ARHGAP24: variants seen among roughly 807,000 people sequenced by gnomAD.
ARHGAP24 encodes the protein Rho GTPase activating protein 24.
A neutral mutation model predicts 76.4 loss-of-function variants in ARHGAP24; 50 were observed. That is an observed-to-expected ratio of 0.65 (90% CI 0.52 to 0.83). The LOEUF (loss-of-function observed/expected upper bound fraction) is 0.83. Among genes scored for constraint, ARHGAP24 ranks in the 40% least tolerant of loss-of-function variants. The probability of loss-of-function intolerance (pLI) is 0.00; values close to 1 mark genes in which losing one functional copy is unlikely to be tolerated. For missense variants in ARHGAP24, 930 were observed against 914.2 expected (o/e 1.02, Z -0.22); for synonymous variants, 345 against 323.3 (o/e 1.07, Z -0.72).
intron 1 of ARHGAP24, among the ~76,000 whole-genome samples, chr4:85,484,095 A>G (rs920464361): frequency 6.6e-6 from 1 of 152,232 alleles, no homozygotes; most frequent in African/African-American, 2.4e-5. Flanking sequence ...AATTTCGTGT[A>G]GGTTTTTTCC....
chr4:85,945,284 G>A (rs1201920168), intron 5 of ARHGAP24, among the ~76,000 whole-genome samples: 3 of 151,722 alleles, frequency 2.0e-5, no homozygotes, highest in African/African-American at 4.8e-5. Flanking sequence ...CTGGGATTAC[G>A]GGCATGTGCC....
intron 1 of ARHGAP24, among the ~76,000 whole-genome samples, chr4:85,476,315 A>G (rs1057095724): frequency 2.9e-4 from 44 of 152,130 alleles, no homozygotes; most frequent in Non-Finnish European, 1.2e-4. Context: ...TTCAGCATCA[A>G]CCAGTAATAG....
chr4:85,667,176 G>T (rs1722657902), intron 2 of ARHGAP24, among the ~76,000 whole-genome samples: 1 of 152,198 alleles, frequency 6.6e-6, no homozygotes, highest in African/African-American at 2.4e-5. Context: ...CAGCTGTTTT[G>T]TTTACCTAAG....
chr4:85,500,360 A>C (rs1176308199), intron 1 of ARHGAP24, among the ~76,000 whole-genome samples: 1 of 152,186 alleles, frequency 6.6e-6, no homozygotes, highest in African/African-American at 2.4e-5. Flanking sequence ...TCTACAAGGG[A>C]ATAAAAATGT....
intron 2 of ARHGAP24, among the ~76,000 whole-genome samples, chr4:85,588,580 A>C (rs1727959024): frequency 6.6e-6 from 1 of 152,222 alleles, no homozygotes; most frequent in Non-Finnish European, 1.5e-5. Flanking sequence ...TATGCACTCA[A>C]TTAATGTCTA....
intron 2 of ARHGAP24, among the ~76,000 whole-genome samples, chr4:85,700,771 T>C (rs1196184262): frequency 1.3e-5 from 2 of 152,120 alleles, no homozygotes; most frequent in Non-Finnish European, 2.9e-5. Context: ...TTATGAAGAG[T>C]TTGATGTAAA....
chr4:85,954,827 G>A (rs1170016515), intron 5 of ARHGAP24, among the ~76,000 whole-genome samples: 1 of 152,212 alleles, frequency 6.6e-6, no homozygotes, highest in Non-Finnish European at 1.5e-5. Context: ...GGCCAACATG[G>A]AGAAACCCTG....
chr4:85,827,313 C>G (rs1729762768), intron 3 of ARHGAP24, among the ~76,000 whole-genome samples: 1 of 152,050 alleles, frequency 6.6e-6, no homozygotes, highest in Admixed American at 6.6e-5. Flanking sequence ...AATCATTTTG[C>G]TCTTAGAATT....
At chr4:85,802,746 G>A (rs776378461) in intron 3 of ARHGAP24, among the ~76,000 whole-genome samples, 3 of 152,124 alleles carry the variant, frequency 2.0e-5, no homozygotes, top group African/African-American at 7.2e-5. Context: ...AGCTGAGACC[G>A]CACCATTGCA....
Position 85,626,539 on chromosome 4 carries a change from T to C in ARHGAP24, c.180+55818T>C, listed in dbSNP as rs546706865. On this transcript the variant is annotated intron_variant, in intron 2 of 9. Transcript: ENST00000395184. ...ACCTTCATTTCAACTTTGGTGAATC[T>C]GACAATTATGTGTCTTGGAGTTGCT... 8.5e-5 allele frequency among the ~76,000 whole-genome samples: 13 copies of C among 152,320 alleles called. 1 individual carries two copies. The South Asian group carries it at 1.9e-3, about 22-fold the overall frequency.
intron 8 of ARHGAP24, among the ~76,000 whole-genome samples, chr4:85,982,013 T>C (rs1199111390): frequency 6.6e-6 from 1 of 151,944 alleles, no homozygotes; most frequent in Non-Finnish European, 1.5e-5. Context: ...CTTGTGGAAA[T>C]GGGGATTTGT....
chr4:85,559,432 T>A (rs1317641260), intron 1 of ARHGAP24, among the ~76,000 whole-genome samples: 2 of 151,614 alleles, frequency 1.3e-5, no homozygotes, highest in Non-Finnish European at 2.9e-5. Flanking sequence ...TGAGATCTAC[T>A]CTTAGCAATG....
intron 3 of ARHGAP24, among the ~76,000 whole-genome samples, chr4:85,797,420 G>A (rs920025423): frequency 6.6e-6 from 1 of 152,096 alleles, no homozygotes; most frequent in Non-Finnish European, 1.5e-5. Context: ...TGATCCACCC[G>A]CCTCGGCCTC....
chr4:85,509,137 T>C, intron 1 of ARHGAP24, among the ~76,000 whole-genome samples: 1 of 140,642 alleles, frequency 7.1e-6, no homozygotes, highest in East Asian at 2.1e-4. Context: ...TAGGTGGGAA[T>C]TGAACAATGA....
At chr4:85,890,250 A>G (rs1733813314) in intron 3 of ARHGAP24, among the ~76,000 whole-genome samples, 1 of 152,158 alleles carries the variant, frequency 6.6e-6, no homozygotes, top group African/African-American at 2.4e-5. Flanking sequence ...TCATCCCTGT[A>G]GACTTCCCAG....
chr4:85,838,921 T>C (rs900551116), intron 3 of ARHGAP24, among the ~76,000 whole-genome samples: 7 of 152,320 alleles, frequency 4.6e-5, no homozygotes, highest in African/African-American at 1.7e-4. Context: ...GCTGAGCCCC[T>C]CACCTTTATT....
intron 1 of ARHGAP24, among the ~76,000 whole-genome samples, chr4:85,487,203 A>T (rs1393567262): frequency 7.4e-6 from 1 of 135,880 alleles, no homozygotes. Flanking sequence ...ATATATATTT[A>T]TTTTATATAT....
intron 4 of ARHGAP24, among the ~76,000 whole-genome samples, chr4:85,929,853 T>C (rs979874055): frequency 2.6e-5 from 4 of 152,170 alleles, no homozygotes; most frequent in Non-Finnish European, 5.9e-5. Context: ...GGGGAATAAA[T>C]GCAGGTATGA....
At chr4:85,996,156 C>T (rs1025653792) in intron 9 of ARHGAP24, among the ~76,000 whole-genome samples, 1 of 152,092 alleles carries the variant, frequency 6.6e-6, no homozygotes, top group Non-Finnish European at 1.5e-5. Flanking sequence ...GTTCCAGACG[C>T]TGAGGATTCA....
Sources: allele counts gnomAD v4.1 joint callset (sites outside exome capture counted in the v4.1 genomes callset), GRCh38; gene constraint gnomAD v4.1.1; transcripts MANE v1.5; gene names NCBI Gene and HGNC (gene_info 2026-07-23, HGNC 2026-07-21).